The following ANKRD17 variants were observed in gnomAD, a reference collection of about 807,000 sequenced individuals.
ANKRD17 encodes ankyrin repeat domain-containing protein 17.
In ANKRD17, 19 loss-of-function variants were observed where a neutral mutation model predicts 229.7. The ratio of observed to expected loss-of-function variants is 0.08; its 90% confidence interval spans 0.06 to 0.12. ANKRD17 has a LOEUF of 0.12. Ranked by LOEUF, ANKRD17 falls within the 10% of genes least tolerant of loss-of-function variation. The pLI, the probability that ANKRD17 is intolerant of heterozygous loss-of-function variation, is 1.00. For synonymous variants in ANKRD17, 1,112 were observed against 1,146.1 expected, an observed-to-expected ratio of 0.97 and a Z score of 0.60; for missense variants, 2,176 against 3,176.8, an observed-to-expected ratio of 0.68 and a Z score of 7.57.
At chr4:73,167,367 T>C (rs1461966418) in intron 2 of ANKRD17, among the ~76,000 whole-genome samples, 1 of 152,080 alleles carries the variant, frequency 6.6e-6, no homozygotes, top group South Asian at 2.1e-4. Context: ...AAAGAAAATA[T>C]AAAAAATAGA....
At chr4:73,097,421 T>C (rs1723427363) in intron 26 of ANKRD17, 149 bp from the exon 27 acceptor site, 2 of 653,150 alleles carry the variant, frequency 3.1e-6, no homozygotes, top group East Asian at 3.3e-5. Context: ...ATTTAGCATA[T>C]AATATAGAGA....
rs549773956 is a variant in ANKRD17 at position 73,140,818 on chromosome 4, C to T, written c.2333-535G>A. Among the ~76,000 whole-genome samples the T allele has an allele frequency of 3.3e-5, 5 of 152,244 alleles. No individual in the cohort carries two copies. The East Asian group carries it at 7.7e-4, about 23-fold the overall frequency. On this transcript the variant is annotated intron_variant, in intron 14 of 33. Coordinates refer to ENST00000358602, the MANE Select transcript of ANKRD17 (RefSeq NM_032217.5). ...AGTAAAATATATGTCTTTGTTGGGG[C>T]CTACCATCTTCAAGACTAATAGAGG...
intron 1 of ANKRD17, among the ~76,000 whole-genome samples, chr4:73,191,339 A>ATG (rs1203366910): frequency 0.016 from 999 of 60,798 alleles, 9 homozygotes; most frequent in African/African-American, 0.041. Context: ...CAAAAAATAT[A>ATG]TATGTGTGTG....
chr4:73,214,821 C>A (rs1251029245), intron 1 of ANKRD17, among the ~76,000 whole-genome samples: 2 of 140,268 alleles, frequency 1.4e-5, no homozygotes, highest in Non-Finnish European at 3.0e-5. Context: ...ACCAACCTGG[C>A]CAACAGAGTG....
At chr4:73,180,530 T>C (rs1234575977) in intron 1 of ANKRD17, among the ~76,000 whole-genome samples, 1 of 152,188 alleles carries the variant, frequency 6.6e-6, no homozygotes, top group Non-Finnish European at 1.5e-5. Context: ...TTCTACTGAC[T>C]TTAAGCTTCT....
rs1282869861 is a variant in ANKRD17 at position 73,258,583 on chromosome 4, G to A, written c.86C>T (p.Pro29Leu). ...GCCGCCGACCTCCGCCGCCGCGGGG[G>A]GGCCCGCCACAGCCGCCACCGCCGG... Reference protein sequence around the residue: ...SPPAVAAVAGPPAAAEVGGGV... With the variant: ...SPPAVAAVAGLPAAAEVGGGV... The change falls in exon 1 of 34, where the codon CCC becomes CTC. Residue 29 changes from proline to leucine, a missense_variant. Physicochemically the swap from Pro to Leu is moderately conservative, Grantham distance 98. This residue lies in a region of ANKRD17 where 196 missense variants were observed against 190.0 expected (regional missense o/e 1.03). Transcript: ENST00000358602. 8.9e-6 allele frequency: 13 copies of A among 1,466,798 alleles called. No homozygotes were observed. Among genetic ancestry groups the A allele is most frequent in the Non-Finnish European group, 1.2e-5 (13 of 1,120,912 alleles). 90.9% of individuals were successfully genotyped at this position (1,466,798 alleles called of 1,614,324 possible). A position where few individuals can be genotyped will look rare whatever the true frequency, so the allele number is the denominator to read the frequency against.
At chr4:73,088,835 C>T (rs769691961) in intron 29 of ANKRD17, among the ~76,000 whole-genome samples, 3 of 151,972 alleles carry the variant, frequency 2.0e-5, no homozygotes, top group African/African-American at 4.8e-5. Flanking sequence ...ACACAGATAA[C>T]GAGTTGGCAA....
intron 2 of ANKRD17, among the ~76,000 whole-genome samples, chr4:73,174,349 T>G (rs546602024): frequency 6.6e-6 from 1 of 152,252 alleles, no homozygotes; most frequent in South Asian, 2.1e-4. Context: ...ATCATCTCAA[T>G]GATGCAGAAA....
chr4:73,090,783 G>C lies in ANKRD17; in HGVS notation c.6845C>G (p.Ser2282Cys), dbSNP rs146464946. 1.2e-5 allele frequency: 20 copies of C among 1,614,068 alleles called. No individual in the cohort carries two copies. The highest frequency in any genetic ancestry group is 1.1e-5 in the Non-Finnish European group (13 of 1,180,048). Residue 2282 changes from serine to cysteine, a missense_variant, in exon 29 of 34, where the codon TCT (serine) becomes TGT (cysteine). By Grantham distance (112) the Ser-to-Cys change is moderately radical. This residue lies in a region of ANKRD17 where 424 missense variants were observed against 454.0 expected (regional missense o/e 0.93). Transcript: ENST00000358602. ...SVVSSQSTPE[S>C]MLSGKSSYLP... The stretch of plus-strand genomic sequence containing the variant: ...ATATGAGGATTTTCCTGATAGCATA[G>C]ATTCTGGTGTTGACTGAGATGAAAC...
intron 25 of ANKRD17, among the ~76,000 whole-genome samples, chr4:73,099,862 T>C (rs1434968308): frequency 6.6e-6 from 1 of 152,118 alleles, no homozygotes; most frequent in East Asian, 1.9e-4. Flanking sequence ...GAGTACACAT[T>C]GCGGTGATGG....
At chr4:73,186,267 C>A (rs1415012958) in intron 1 of ANKRD17, among the ~76,000 whole-genome samples, 2 of 151,768 alleles carry the variant, frequency 1.3e-5, no homozygotes, top group Admixed American at 6.6e-5. Context: ...CATACAAAGA[C>A]AAAATCTTCA....
chr4:73,093,804 T>C (rs552097951), intron 28 of ANKRD17, among the ~76,000 whole-genome samples: 64 of 152,346 alleles, frequency 4.2e-4, no homozygotes, highest in African/African-American at 1.5e-3. Context: ...TTTTTAAGAA[T>C]GTCATATAAA....
chr4:73,247,455 C>T (rs1038204649), intron 1 of ANKRD17, among the ~76,000 whole-genome samples: 9 of 151,986 alleles, frequency 5.9e-5, no homozygotes, highest in African/African-American at 1.4e-4. Context: ...TGAAAACAAT[C>T]TAAATGTCTA....
intron 15 of ANKRD17, among the ~76,000 whole-genome samples, chr4:73,135,685 C>T (rs959459639): frequency 1.3e-5 from 2 of 152,128 alleles, no homozygotes; most frequent in African/African-American, 4.8e-5. Context: ...ACCTTATATT[C>T]TAGAACTAGT....
intron 2 of ANKRD17, among the ~76,000 whole-genome samples, chr4:73,164,953 T>G (rs1173794775): frequency 6.6e-6 from 1 of 150,884 alleles, no homozygotes; most frequent in East Asian, 1.9e-4. Flanking sequence ...CTAACACTAT[T>G]AAACTTATTA....
chr4:73,159,522 C>T (rs1732217591), intron 3 of ANKRD17, among the ~76,000 whole-genome samples: 1 of 152,326 alleles, frequency 6.6e-6, no homozygotes, highest in African/African-American at 2.4e-5. Context: ...ATAGTACTCA[C>T]TGCACTTAAG....
At chr4:73,209,312 C>A (rs938297943) in intron 1 of ANKRD17, among the ~76,000 whole-genome samples, 2 of 152,094 alleles carry the variant, frequency 1.3e-5, no homozygotes, top group African/African-American at 4.8e-5. Context: ...TGTGAATTGC[C>A]AGTGAAAGAG....
In ANKRD17 at chr4:73,124,950, G is replaced by A. The variant is rs1727242079; in HGVS notation, c.3455C>T (p.Thr1152Ile). The A allele has an allele frequency of 6.2e-7, 1 of 1,614,042 alleles. No homozygotes were observed. The highest frequency in any genetic ancestry group is 1.3e-5 in the African/African-American group (1 of 74,910). Residue 1152 changes from threonine (T) to isoleucine (I), a missense_variant, in exon 18 of 34, where the codon ACA (threonine) becomes ATA (isoleucine). Coordinates refer to ENST00000358602, the MANE Select transcript of ANKRD17 (RefSeq NM_032217.5). The part of the protein sequence containing the change: ...IEAQSERTKD[T>I]PLSLACSGGR... ...CCCAGAACAAGCCAAGGAGAGTGGT[G>A]TGTCCTTGGTTCTTTCAGACTGGGC...
chr4:73,156,357 C>T (rs1252188093), intron 3 of ANKRD17, among the ~76,000 whole-genome samples, 191 bp from the exon 4 acceptor site: 5 of 152,210 alleles, frequency 3.3e-5, no homozygotes, highest in Non-Finnish European at 7.3e-5. Context: ...AATCCTCCTG[C>T]TTCAGACTCT....
Sources: gnomAD v4.1 joint callset for allele counts (sites outside exome capture counted in the v4.1 genomes callset) on GRCh38, gnomAD v4.1.1 for gene constraint, gnomAD v4.1.1 regional missense constraint, MANE v1.5 for transcripts, NCBI Gene and HGNC (gene_info 2026-07-23, HGNC 2026-07-21) for gene names.